The following TMTC2 variants were observed in gnomAD, a reference collection of about 807,000 sequenced individuals.
TMTC2 encodes protein O-mannosyl-transferase TMTC2.
A neutral mutation model predicts 82.4 loss-of-function variants in TMTC2; 43 were observed. The ratio of observed to expected loss-of-function variants is 0.52; its 90% CI spans 0.41 to 0.67. The LOEUF is 0.67. Among genes scored for constraint, TMTC2 ranks in the 30% least tolerant of loss-of-function variants. The pLI is 0.00. For synonymous variants in TMTC2, 408 were observed against 381.9 expected (o/e 1.07, Z -0.80); for missense variants, 919 against 1,012.4 (o/e 0.91, Z 1.25).
Position 82,691,169 on chromosome 12 carries a change from T to C in TMTC2, c.83+3500T>C, listed in dbSNP as rs186700172. Among the ~76,000 whole-genome samples the C allele has an allele frequency of 6.6e-5, 10 of 152,278 alleles. No individual in the cohort carries two copies. In the East Asian group the frequency reaches 1.9e-3, roughly 29 times the overall value. On this transcript the variant is annotated intron_variant, in intron 1 of 11. Transcript: ENST00000321196. ...TTAAATTCTCATATGAGTAAAATAATTTATTAGTTTGCAAAGACAATTTGC... is the reference window on the plus strand; with the variant it reads ...TTAAATTCTCATATGAGTAAAATAACTTATTAGTTTGCAAAGACAATTTGC...
intron 11 of TMTC2, among the ~76,000 whole-genome samples, chr12:83,110,456 C>T (rs1004306501): frequency 1.3e-5 from 2 of 152,030 alleles, no homozygotes; most frequent in Non-Finnish European, 2.9e-5. Context: ...CTATAGATTT[C>T]TCTCCTTCTC....
At chr12:82,906,444 C>T (rs1228786070) in intron 3 of TMTC2, among the ~76,000 whole-genome samples, 2 of 152,086 alleles carry the variant, frequency 1.3e-5, no homozygotes, top group Non-Finnish European at 2.9e-5. Flanking sequence ...GCAGGCAGAT[C>T]ACATGAGGTC....
chr12:83,018,398 C>T (rs1215386221), intron 8 of TMTC2, among the ~76,000 whole-genome samples: 9 of 152,280 alleles, frequency 5.9e-5, no homozygotes, highest in African/African-American at 1.9e-4. Context: ...CTCATGCTAT[C>T]GCTAAGCAGT....
At chr12:82,968,071 T>C (rs555601833) in intron 7 of TMTC2, among the ~76,000 whole-genome samples, 8 of 152,224 alleles carry the variant, frequency 5.3e-5, no homozygotes, top group East Asian at 3.9e-4. Flanking sequence ...AGTTTAGAGA[T>C]AGGCTGGAGT....
intron 4 of TMTC2, among the ~76,000 whole-genome samples, chr12:82,954,710 T>A (rs1390889049): frequency 2.0e-5 from 3 of 152,162 alleles, no homozygotes; most frequent in Non-Finnish European, 4.4e-5. Flanking sequence ...CCTCTCAGAT[T>A]TCAACCACTT....
intron 1 of TMTC2, among the ~76,000 whole-genome samples, chr12:82,738,472 A>G (rs1007627853): frequency 2.6e-5 from 4 of 152,316 alleles, no homozygotes; most frequent in Middle Eastern, 3.4e-3. Context: ...TTCTAAATGA[A>G]TGCACCAAGA....
chr12:82,892,059 C>T (rs1873425564), intron 2 of TMTC2, among the ~76,000 whole-genome samples: 1 of 152,074 alleles, frequency 6.6e-6, no homozygotes, highest in Admixed American at 6.6e-5. Flanking sequence ...GAGCAAGACC[C>T]TGTCTTAAAA....
chr12:82,739,662 A>G (rs998601944), intron 1 of TMTC2, among the ~76,000 whole-genome samples: 5 of 151,256 alleles, frequency 3.3e-5, no homozygotes, highest in Admixed American at 6.6e-5. Context: ...ACATTTTACA[A>G]TCATTGGTCA....
chr12:82,749,249 C>G (rs932541555), intron 1 of TMTC2, among the ~76,000 whole-genome samples: 1 of 152,188 alleles, frequency 6.6e-6, no homozygotes, highest in Non-Finnish European at 1.5e-5. Flanking sequence ...TGGGGACACA[C>G]GTTACCCAGA....
intron 8 of TMTC2, among the ~76,000 whole-genome samples, chr12:82,997,348 G>GTGTA (rs1879685001): frequency 4.6e-5 from 1 of 21,598 alleles, no homozygotes; most frequent in African/African-American, 1.1e-4. Flanking sequence ...GTGTGTGTGT[G>GTGTA]TATATATATA....
intron 10 of TMTC2, among the ~76,000 whole-genome samples, chr12:83,052,245 C>T (rs1230995499): frequency 6.6e-6 from 1 of 151,666 alleles, no homozygotes; most frequent in African/African-American, 2.4e-5. Flanking sequence ...TTTTTTTTAG[C>T]TTTTAAGATG....
chr12:82,879,356 T>C (rs1872719307), intron 2 of TMTC2, among the ~76,000 whole-genome samples: 1 of 152,230 alleles, frequency 6.6e-6, no homozygotes, highest in East Asian at 1.9e-4. Context: ...CAGATGAAAC[T>C]GTTCCACCTT....
intron 2 of TMTC2, among the ~76,000 whole-genome samples, chr12:82,866,244 CAAAAAAAA>C (rs762068833): frequency 3.8e-5 from 2 of 52,336 alleles, no homozygotes; most frequent in Non-Finnish European, 4.4e-5. Flanking sequence ...TTGAAAAGAT[CAAAAAAAA>C]AAAAAAAAAA....
chr12:82,897,978 T>C (rs368003255), intron 3 of TMTC2, among the ~76,000 whole-genome samples: 2 of 141,798 alleles, frequency 1.4e-5, no homozygotes, highest in African/African-American at 5.5e-5. Context: ...TATATATATA[T>C]AAAGACCTAG....
intron 3 of TMTC2, among the ~76,000 whole-genome samples, chr12:82,918,752 C>T (rs1249235463): frequency 6.6e-6 from 1 of 151,738 alleles, no homozygotes; most frequent in Non-Finnish European, 1.5e-5. Context: ...CTCTCCCTCT[C>T]TCTCTCTCTC....
chr12:82,885,236 A>T (rs1873030683), intron 2 of TMTC2, among the ~76,000 whole-genome samples: 1 of 151,910 alleles, frequency 6.6e-6, no homozygotes, highest in African/African-American at 2.4e-5. Context: ...AGTTTTGAGG[A>T]TTCCCAATTA....
chr12:83,049,021 G>T (rs1459791719), intron 9 of TMTC2, among the ~76,000 whole-genome samples: 1 of 152,136 alleles, frequency 6.6e-6, no homozygotes, highest in East Asian at 1.9e-4. Context: ...TTTTATTGAA[G>T]AAATGGTCTT....
chr12:82,982,691 G>C (rs1260751343), intron 7 of TMTC2, among the ~76,000 whole-genome samples: 2 of 151,866 alleles, frequency 1.3e-5, no homozygotes, highest in African/African-American at 4.8e-5. Flanking sequence ...GAAATGAATG[G>C]GCTGGCTGAT....
chr12:83,067,385 AG>A (rs1882956345), intron 11 of TMTC2, among the ~76,000 whole-genome samples: 1 of 152,056 alleles, frequency 6.6e-6, no homozygotes, highest in South Asian at 2.1e-4. Flanking sequence ...TGTGTTAAAT[AG>A]GATACTAAAA....
Sources: allele counts gnomAD v4.1 joint callset (sites outside exome capture counted in the v4.1 genomes callset), GRCh38; gene constraint gnomAD v4.1.1; transcripts MANE v1.5; gene names NCBI Gene and HGNC (gene_info 2026-07-23, HGNC 2026-07-21).